Variants in NOB1 observed in about 807,000 individuals in gnomAD.
NOB1 encodes the protein RNA-binding protein NOB1.
NOB1 carries 44 observed loss-of-function variants against 44.8 expected under a neutral mutation model. The observed-to-expected ratio is 0.98, with a 90% CI of 0.77 to 1.26. The LOEUF is 1.26. Among genes scored for constraint, NOB1 ranks in the 50% most tolerant of loss-of-function variants. NOB1 has a pLI of 0.00. For synonymous variants in NOB1, 238 were observed against 218.7 expected (o/e 1.09, Z -0.78); for missense variants, 560 against 544.8 (o/e 1.03, Z -0.28).
intron 7 of NOB1, 58 bp from the exon 8 acceptor site, chr16:69,745,075 C>A (rs2038418846): frequency 6.3e-7 from 1 of 1,592,796 alleles, no homozygotes; most frequent in East Asian, 2.2e-5. Flanking sequence ...AACGCCTCCC[C>A]AGAGCACAAG....
In NOB1 at chr16:69,754,580, G is replaced by A; in HGVS notation, c.196+14C>T. ...ACCCCAGCTTCCCGTCAACGCTAGG[G>A]CAGAGGCACTCACCCAGCCGCACGT... On this transcript the variant is annotated intron_variant, in intron 2 of 8. Coordinates refer to ENST00000268802, the MANE Select transcript of NOB1 (RefSeq NM_014062.3). 2 of 1,613,782 alleles carry A rather than the reference G, an allele frequency of 1.2e-6. No homozygotes were observed. The highest frequency in any genetic ancestry group is 1.7e-6 in the Non-Finnish European group (2 of 1,179,966).
intron 2 of NOB1, among the ~76,000 whole-genome samples, chr16:69,754,198 T>C (rs2038505381): frequency 6.6e-6 from 1 of 152,192 alleles, no homozygotes; most frequent in Non-Finnish European, 1.5e-5. Flanking sequence ...CCCAATCTAC[T>C]GAAAAGAAAT....
chr16:69,743,080 A>T (rs1459854321), intron 8 of NOB1, among the ~76,000 whole-genome samples: 1 of 152,164 alleles, frequency 6.6e-6, no homozygotes, highest in South Asian at 2.1e-4. Flanking sequence ...TTGTTGTGCC[A>T]TAAAGTTTGA....
intron 8 of NOB1, among the ~76,000 whole-genome samples, chr16:69,744,455 C>A (rs975537373): frequency 1.3e-5 from 2 of 152,212 alleles, no homozygotes; most frequent in Non-Finnish European, 2.9e-5. Context: ...GAAGCCAGTG[C>A]CACTCATTCG....
At chr16:69,751,113 G>A (rs1244646523) in intron 3 of NOB1, among the ~76,000 whole-genome samples, 2 of 151,742 alleles carry the variant, frequency 1.3e-5, no homozygotes, top group Non-Finnish European at 2.9e-5. Flanking sequence ...TTTCAGACAG[G>A]GTCTCACTGT....
At chr16:69,742,899 TC>T (rs2038397124) in intron 8 of NOB1, among the ~76,000 whole-genome samples, 1 of 152,148 alleles carries the variant, frequency 6.6e-6, no homozygotes. Context: ...TGTATGTATT[TC>T]CTAGCTCTGT....
intron 8 of NOB1, among the ~76,000 whole-genome samples, chr16:69,744,152 C>G (rs986825368): frequency 6.6e-6 from 1 of 152,156 alleles, no homozygotes; most frequent in Admixed American, 6.6e-5. Context: ...TGGCAAAACC[C>G]CATCTCTACT....
Position 69,742,088 on chromosome 16 carries a change from TG to T in NOB1, c.*243del, listed in dbSNP as rs1567640990. On this transcript the variant is annotated 3_prime_UTR_variant, in exon 9 of 9. Coordinates refer to ENST00000268802, the MANE Select transcript of NOB1 (RefSeq NM_014062.3). ...TTCTTGAAGATTGGCTCCAGGGCGT[TG>T]TTCTTTCTGTTTTTATGCAATTGCA... 8.6e-6 allele frequency: 4 copies of T among 463,756 alleles called. No homozygotes were observed. Among genetic ancestry groups the T allele is most frequent in the Non-Finnish European group, 1.2e-5 (3 of 260,448 alleles). 28.7% of individuals were successfully genotyped at this position (463,756 alleles called of 1,614,324 possible). A position where few individuals can be genotyped will look rare whatever the true frequency, so the allele number is the denominator to read the frequency against.
chr16:69,748,751 G>A lies in NOB1; in HGVS notation c.726+167C>T. On this transcript the variant is annotated intron_variant, in intron 6 of 8. Transcript: ENST00000268802. ...TATACAAATGTTGTCATTATATGACGATTGTCTAGCCTCTAAGCAAAATTA... is the reference window on the plus strand; with the variant it reads ...TATACAAATGTTGTCATTATATGACAATTGTCTAGCCTCTAAGCAAAATTA... The A allele has an allele frequency of 5.0e-6, 3 of 601,506 alleles. No homozygotes were observed. In the South Asian group the frequency reaches 6.7e-5, roughly 13 times the overall value. The allele number at this position is 601,506 out of a possible 1,614,324, so 37.3% of individuals were successfully genotyped here. A position where few individuals can be genotyped will look rare whatever the true frequency, so the allele number is the denominator to read the frequency against.
chr16:69,745,578 G>A (rs1197144465), intron 7 of NOB1, among the ~76,000 whole-genome samples: 1 of 152,200 alleles, frequency 6.6e-6, no homozygotes, highest in African/African-American at 2.4e-5. Flanking sequence ...AGAGAGACAG[G>A]AAACATGCTG....
At chr16:69,752,802 G>C (rs564377518) in intron 2 of NOB1, among the ~76,000 whole-genome samples, 89 of 151,822 alleles carry the variant, frequency 5.9e-4, no homozygotes, top group Non-Finnish European at 9.9e-4. Flanking sequence ...GTGTGGTAGC[G>C]GGGGGGCCTG....
In NOB1 at chr16:69,752,325, G is replaced by T. The variant is rs746015631; in HGVS notation, c.243C>A (p.Ala81=). 2 of 1,613,924 alleles carry T rather than the reference G, an allele frequency of 1.2e-6. No homozygotes were observed. Among genetic ancestry groups the T allele is most frequent in the South Asian group, 2.2e-5 (2 of 91,076 alleles). Residue 81 remains alanine, a synonymous_variant, in exon 3 of 9, where the codon GCC becomes GCA. Coordinates refer to ENST00000268802, the MANE Select transcript of NOB1 (RefSeq NM_014062.3). ...TGAGTGCAAGCACTTGGATGTCCGT[G>T]GCAGAGAGGCTGGGGTAGTCTCCTG... ...KKTGDYPSLS[A]TDIQVLALTY...
chr16:69,743,794 G>C (rs1456600242), intron 8 of NOB1, among the ~76,000 whole-genome samples: 1 of 152,180 alleles, frequency 6.6e-6, no homozygotes, highest in African/African-American at 2.4e-5. Flanking sequence ...GAAATTTGTG[G>C]AACAACTGGC....
In NOB1 at chr16:69,752,253, T is replaced by C. The variant is rs371573015; in HGVS notation, c.315A>G (p.Gln105=). The part of the protein sequence containing the change: ...AEFVGVSHLK[Q]EPQKVKVSSS... ...CCTCTTGATTTACCTTCTGTGGTTC[T>C]TGTTTTAGGTGAGACACCCCAACAA... Residue 105 remains glutamine, a synonymous_variant, in exon 3 of 9, where the codon CAA becomes CAG. Transcript: ENST00000268802. The C allele has an allele frequency of 1.4e-5, 23 of 1,611,916 alleles. No homozygotes were observed. Among genetic ancestry groups the C allele is most frequent in the Non-Finnish European group, 1.6e-5 (19 of 1,179,332 alleles).
chr16:69,746,548 T>G (rs2038432816), intron 7 of NOB1, among the ~76,000 whole-genome samples: 1 of 152,218 alleles, frequency 6.6e-6, no homozygotes, highest in Non-Finnish European at 1.5e-5. Flanking sequence ...ATGTATTGGA[T>G]ACCACAGAGT....
At chr16:69,753,199 G>A (rs1354324079) in intron 2 of NOB1, among the ~76,000 whole-genome samples, 1 of 152,114 alleles carries the variant, frequency 6.6e-6, no homozygotes, top group Non-Finnish European at 1.5e-5. Context: ...TCCAGGCTAG[G>A]CAACACAGCC....
intron 8 of NOB1, among the ~76,000 whole-genome samples, chr16:69,743,398 A>G (rs1400748861): frequency 6.6e-6 from 1 of 152,242 alleles, no homozygotes; most frequent in Non-Finnish European, 1.5e-5. Flanking sequence ...CTTTCTACAA[A>G]TTAAGTATTA....
chr16:69,745,814 T>C (rs1268502040), intron 7 of NOB1, among the ~76,000 whole-genome samples: 1 of 152,218 alleles, frequency 6.6e-6, no homozygotes, highest in Non-Finnish European at 1.5e-5. Context: ...CTGAAGTCTC[T>C]TGTGAGTGAA....
At chr16:69,749,689 T>A in intron 3 of NOB1, 59 bp from the exon 4 acceptor site, 1 of 1,416,304 alleles carries the variant, frequency 7.1e-7, no homozygotes, top group Non-Finnish European at 9.7e-7. Context: ...ATCCAGTTTT[T>A]TTTTTTGGCC....
Sources: allele counts gnomAD v4.1 joint callset (sites outside exome capture counted in the v4.1 genomes callset), GRCh38; gene constraint gnomAD v4.1.1; transcripts MANE v1.5; gene names NCBI Gene and HGNC (gene_info 2026-07-23, HGNC 2026-07-21).